Variants in SYNPR observed in about 807,000 individuals in gnomAD.
SYNPR encodes synaptoporin.
Under a neutral mutation model 32.9 loss-of-function variants are expected in SYNPR, and 23 were observed. That is an observed-to-expected ratio of 0.70 (90% confidence interval 0.50 to 0.99). SYNPR has a LOEUF of 0.99. Among genes scored for constraint, SYNPR ranks in the 50% least tolerant of loss-of-function variants. The pLI is 0.00. For synonymous variants in SYNPR, 146 were observed against 135.9 expected (o/e 1.07, Z -0.52); for missense variants, 318 against 349.3 (o/e 0.91, Z 0.71).
chr3:63,606,475 T>C lies in SYNPR; in HGVS notation c.409-2650T>C, dbSNP rs547859723. 2.2e-5 allele frequency among the ~76,000 whole-genome samples: 3 copies of C among 139,368 alleles called. No homozygotes were observed. The South Asian group carries it at 7.6e-4, about 35-fold the overall frequency. 91.4% of individuals were successfully genotyped at this position (139,368 alleles called of 152,430 possible). ...TCTCATCCTGTTGCCCAGGCTGAAC[T>C]GGCTGGAGTGCAGTGATGCAATCAT... On this transcript the variant is annotated intron_variant, in intron 4 of 5. Coordinates refer to ENST00000478300, the MANE Select transcript of SYNPR (RefSeq NM_001130003.2).
chr3:63,573,050 C>A (rs1702916397), intron 4 of SYNPR, among the ~76,000 whole-genome samples: 1 of 151,966 alleles, frequency 6.6e-6, no homozygotes, highest in African/African-American at 2.4e-5. Flanking sequence ...AGGGAGTCAG[C>A]AAAGAAATTA....
intron 4 of SYNPR, among the ~76,000 whole-genome samples, chr3:63,581,793 C>CA (rs202240413): frequency 0.04 from 5,813 of 146,778 alleles, 398 homozygotes; most frequent in African/African-American, 0.14. Context: ...TTTCTTATTA[C>CA]AAAAAAAAAA....
At chr3:63,444,738 C>A (rs967088620) in intron 2 of SYNPR, among the ~76,000 whole-genome samples, 14 of 152,046 alleles carry the variant, frequency 9.2e-5, no homozygotes, top group African/African-American at 3.4e-4. Context: ...TGCCACGACT[C>A]ACACACGCTG....
intron 4 of SYNPR, among the ~76,000 whole-genome samples, chr3:63,598,829 T>C (rs911287642): frequency 6.6e-6 from 1 of 152,216 alleles, no homozygotes; most frequent in African/African-American, 2.4e-5. Flanking sequence ...AATGTATGTA[T>C]GATAACCTAG....
intron 1 of SYNPR, among the ~76,000 whole-genome samples, chr3:63,249,686 T>A (rs969182572): frequency 6.6e-6 from 1 of 152,060 alleles, no homozygotes; most frequent in African/African-American, 2.4e-5. Context: ...TGTACCCCAA[T>A]AACTTATGGA....
intron 1 of SYNPR, among the ~76,000 whole-genome samples, chr3:63,242,995 C>T (rs1354765163): frequency 6.6e-6 from 1 of 151,726 alleles, no homozygotes; most frequent in Non-Finnish European, 1.5e-5. Flanking sequence ...GAAAAATGTA[C>T]ATATTAGAAT....
intron 2 of SYNPR, among the ~76,000 whole-genome samples, chr3:63,466,160 T>C (rs1405983001): frequency 6.6e-6 from 1 of 152,158 alleles, no homozygotes; most frequent in Non-Finnish European, 1.5e-5. Context: ...ACATGCAGTA[T>C]TTGGTTTTCT....
intron 3 of SYNPR, among the ~76,000 whole-genome samples, chr3:63,546,655 A>G (rs1358298795): frequency 6.6e-6 from 1 of 152,106 alleles, no homozygotes; most frequent in African/African-American, 2.4e-5. Flanking sequence ...AAATAAAAAA[A>G]TCATTGTCTC....
chr3:63,581,728 A>G (rs1259103209), intron 4 of SYNPR, among the ~76,000 whole-genome samples: 1 of 151,806 alleles, frequency 6.6e-6, no homozygotes, highest in Non-Finnish European at 1.5e-5. Flanking sequence ...CAAGGGCACC[A>G]CTCACTCCAG....
chr3:63,467,658 G>A lies in SYNPR; in HGVS notation c.85-13174G>A, dbSNP rs1700709721. 3.3e-5 allele frequency among the ~76,000 whole-genome samples: 5 copies of A among 152,196 alleles called. No individual in the cohort carries two copies. In the South Asian group the frequency reaches 8.3e-4, roughly 25 times the overall value. On this transcript the variant is annotated intron_variant, in intron 2 of 5. Coordinates refer to ENST00000478300, the MANE Select transcript of SYNPR (RefSeq NM_001130003.2). ...AGCAGCAGCAGTTGTTGTGGTTATT[G>A]TGATAAGAATTATAAGCAGAAAATA...
intron 1 of SYNPR, among the ~76,000 whole-genome samples, chr3:63,238,007 G>C (rs1309218994): frequency 6.6e-6 from 1 of 152,088 alleles, no homozygotes; most frequent in Admixed American, 6.6e-5. Context: ...TTGTTGGTGG[G>C]ACTCCTTCTT....
intron 1 of SYNPR, among the ~76,000 whole-genome samples, chr3:63,241,930 A>G (rs1036364486): frequency 6.6e-6 from 1 of 152,074 alleles, no homozygotes; most frequent in African/African-American, 2.4e-5. Context: ...GCTAAAAGTT[A>G]TATTATTTTC....
intron 2 of SYNPR, among the ~76,000 whole-genome samples, chr3:63,293,379 A>T (rs554427941): frequency 1.3e-5 from 2 of 152,330 alleles, no homozygotes; most frequent in South Asian, 4.1e-4. Flanking sequence ...GTTTATTAAC[A>T]ATCACAAAAT....
At chr3:63,568,709 G>T (rs1049631170) in intron 4 of SYNPR, among the ~76,000 whole-genome samples, 1 of 152,166 alleles carries the variant, frequency 6.6e-6, no homozygotes, top group Non-Finnish European at 1.5e-5. Context: ...GAGACAAGCA[G>T]ATCCTCAAGG....
chr3:63,267,727 A>T (rs1408053158), intron 3 of SYNPR, among the ~76,000 whole-genome samples: 3 of 152,154 alleles, frequency 2.0e-5, no homozygotes, highest in African/African-American at 7.2e-5. Context: ...TTAACTTTCA[A>T]TCAGTTTTGC....
chr3:63,467,284 C>G (rs1176751934), intron 2 of SYNPR, among the ~76,000 whole-genome samples: 1 of 152,202 alleles, frequency 6.6e-6, no homozygotes, highest in Non-Finnish European at 1.5e-5. Flanking sequence ...CTCTTCTACA[C>G]TTTGGTCACC....
intron 2 of SYNPR, among the ~76,000 whole-genome samples, chr3:63,264,431 A>G (rs529131815): frequency 3.3e-4 from 50 of 152,290 alleles, no homozygotes; most frequent in African/African-American, 1.2e-3. Flanking sequence ...GCACATATCT[A>G]TTAAGCATGC....
chr3:63,358,254 T>G (rs868353299), intron 2 of SYNPR, among the ~76,000 whole-genome samples: 2 of 152,252 alleles, frequency 1.3e-5, no homozygotes, highest in Non-Finnish European at 2.9e-5. Flanking sequence ...GCCAGAATCC[T>G]AAAATGCAGG....
intron 2 of SYNPR, among the ~76,000 whole-genome samples, chr3:63,453,011 T>C (rs1458647887): frequency 6.6e-6 from 1 of 152,090 alleles, no homozygotes; most frequent in African/African-American, 2.4e-5. Context: ...GTTCAAAGGG[T>C]GAGCTGAAGA....
Sources: gnomAD v4.1 joint callset for allele counts (sites outside exome capture counted in the v4.1 genomes callset) on GRCh38, gnomAD v4.1.1 for gene constraint, MANE v1.5 for transcripts, NCBI Gene and HGNC (gene_info 2026-07-23, HGNC 2026-07-21) for gene names.